The following ASAP3 variants were observed in gnomAD, a reference collection of about 807,000 sequenced individuals.
The protein encoded by ASAP3 is ArfGAP with SH3 domain, ankyrin repeat and PH domain 3, also known as arf-GAP with SH3 domain, ANK repeat and PH domain-containing protein 3.
Under a neutral mutation model 118.2 loss-of-function variants are expected in ASAP3, and 85 were observed. That is an observed-to-expected ratio of 0.72 (90% confidence interval 0.60 to 0.86). The LOEUF (loss-of-function observed/expected upper bound fraction) is 0.86. Among genes scored for constraint, ASAP3 ranks in the 40% least tolerant of loss-of-function variants. The probability of loss-of-function intolerance (pLI) is 0.00; values close to 1 mark genes in which losing one functional copy is unlikely to be tolerated. For missense variants in ASAP3, 1,026 were observed against 1,175.0 expected (o/e 0.87, Z 1.85); for synonymous variants, 432 against 477.4 (o/e 0.90, Z 1.24).
Position 23,442,474 on chromosome 1 carries a change from C to T in ASAP3, c.585+27G>A, listed in dbSNP as rs766593455. Reference sequence around the variant, plus strand: ...GACAGGAAGACACATCCCACGCCCCCCCTCCCTCATCCAGAGCACCCCTTA... The same window carrying T: ...GACAGGAAGACACATCCCACGCCCCTCCTCCCTCATCCAGAGCACCCCTTA... On this transcript the variant is annotated intron_variant, in intron 6 of 24. Coordinates refer to ENST00000336689, the MANE Select transcript of ASAP3 (RefSeq NM_017707.4). The T allele has an allele frequency of 2.5e-6, 4 of 1,608,034 alleles. No individual in the cohort carries two copies. The East Asian group carries it at 6.7e-5, about 27-fold the overall frequency.
rs58753866 is a variant in ASAP3, at chr1:23,436,804, A to C, written c.1476+107T>G. 4,386 of 1,454,664 alleles carry C rather than the reference A, an allele frequency of 3.0e-3. 102 individuals are homozygous for C. The African/African-American group carries it at 0.063, about 21-fold the overall frequency. 90.1% of individuals were successfully genotyped at this position (1,454,664 alleles called of 1,614,324 possible). On this transcript the variant is annotated intron_variant, in intron 15 of 24. Transcript: ENST00000336689. The surrounding 1 kb of genome is among the most constrained non-coding windows in gnomAD (Gnocchi z 4.2). ...GACCACCCGCTACCTGGCTTGTCCC[A>C]GCCCACCTCGGCCAGGTCCCACCCA...
intron 1 of ASAP3, among the ~76,000 whole-genome samples, chr1:23,482,279 T>C (rs1288710031): frequency 1.3e-5 from 2 of 152,208 alleles, no homozygotes; most frequent in African/African-American, 4.8e-5. Flanking sequence ...CCTAGTACTT[T>C]GAGAGGCCAA....
chr1:23,444,520 G>C (rs1398520122), intron 5 of ASAP3, among the ~76,000 whole-genome samples: 1 of 152,204 alleles, frequency 6.6e-6, no homozygotes, highest in African/African-American at 2.4e-5. Context: ...CCCTCTCTGA[G>C]CCTTGGTCTC....
chr1:23,434,362 G>A lies in ASAP3; in HGVS notation c.1843C>T (p.Leu615=), dbSNP rs1640556744. ...VDFIIQNGGH[L]DAKAADGNTA... is the part of the protein sequence containing the mutation. Reference sequence around the variant, plus strand: ...TTCCCGTCAGCAGCCTTGGCATCCAGGTGACCACTGGGGAGAGGAGGGTTC... The same window carrying A: ...TTCCCGTCAGCAGCCTTGGCATCCAAGTGACCACTGGGGAGAGGAGGGTTC... Residue 615 remains leucine (L), a synonymous_variant, in exon 19 of 25, where the codon CTG becomes TTG. Coordinates refer to ENST00000336689, the MANE Select transcript of ASAP3 (RefSeq NM_017707.4). 2 of 1,614,168 alleles carry A rather than the reference G, an allele frequency of 1.2e-6. No individual in the cohort carries two copies. The highest frequency in any genetic ancestry group is 1.7e-6 in the Non-Finnish European group (2 of 1,180,030).
rs1184599442 is a variant in ASAP3, at chr1:23,436,496, C to T, written c.1571+64G>A. The T allele has an allele frequency of 5.1e-6, 8 of 1,565,068 alleles. No individual in the cohort carries two copies. Among genetic ancestry groups the T allele is most frequent in the Non-Finnish European group, 7.0e-6 (8 of 1,136,090 alleles). On this transcript the variant is annotated intron_variant, in intron 16 of 24. Coordinates refer to ENST00000336689, the MANE Select transcript of ASAP3 (RefSeq NM_017707.4). This position sits in a 1 kb window ranked among gnomAD's most constrained non-coding sequence, Gnocchi z 4.2. ...CTTCTGATCCAAGACTTTTCTACGA[C>T]CCTGGACACTGCGGAGGCAGAATCC... is the stretch of plus-strand genomic sequence containing the variant.
intron 5 of ASAP3, among the ~76,000 whole-genome samples, chr1:23,446,266 A>T (rs1312629724): frequency 2.0e-5 from 3 of 152,174 alleles, no homozygotes; most frequent in Admixed American, 2.0e-4. Flanking sequence ...TCACTTACTT[A>T]ACCTTTATAA....
Position 23,433,131 on chromosome 1 carries a change from C to G in ASAP3, c.2269G>C (p.Val757Leu). Reference protein sequence around the residue: ...ESEDCPPPLPVKNSSRTLVQG... With the variant: ...ESEDCPPPLPLKNSSRTLVQG... ...ACCAAAGTCCGAGAAGAGTTTTTGA[C>G]TGGCAAGGGCGGGGGACAGTCCTCA... The change falls in exon 22 of 25, where the codon GTC becomes CTC. Residue 757 changes from valine to leucine, a missense_variant. By Grantham distance (32) the Val-to-Leu change is conservative (BLOSUM62 1). Coordinates refer to ENST00000336689, the MANE Select transcript of ASAP3 (RefSeq NM_017707.4). 6.2e-7 allele frequency: 1 copy of G among 1,614,116 alleles called. No homozygotes were observed. The highest frequency in any genetic ancestry group is 8.5e-7 in the Non-Finnish European group (1 of 1,180,014).
At chr1:23,456,484 G>A (rs1027213601) in intron 1 of ASAP3, among the ~76,000 whole-genome samples, 2 of 152,168 alleles carry the variant, frequency 1.3e-5, no homozygotes, top group Admixed American at 6.5e-5. Flanking sequence ...ATGACAGGGT[G>A]TGCCAGGCCT....
At position 23,429,186 on chromosome 1, in the gene ASAP3, A is replaced by T. The variant is rs1235039253; in HGVS notation, c.*670T>A. ...TTATTTAACAGCCAGTACAGCATGC[A>T]TGTTGACCAGCCAGAATGGATGTGA... On this transcript the variant is annotated 3_prime_UTR_variant, in exon 25 of 25. Coordinates refer to ENST00000336689, the MANE Select transcript of ASAP3 (RefSeq NM_017707.4). The T allele has an allele frequency of 2.6e-5, 4 of 152,412 alleles. No individual in the cohort carries two copies. Among genetic ancestry groups the T allele is most frequent in the Non-Finnish European group, 5.9e-5 (4 of 68,204 alleles). 9.4% of individuals were successfully genotyped at this position (152,412 alleles called of 1,614,324 possible). A position where few individuals can be genotyped will look rare whatever the true frequency, so the allele number is the denominator to read the frequency against.
At chr1:23,453,359 G>T (rs1641285445) in intron 3 of ASAP3, among the ~76,000 whole-genome samples, 1 of 152,120 alleles carries the variant, frequency 6.6e-6, no homozygotes, top group Non-Finnish European at 1.5e-5. Flanking sequence ...AGGATAGAGG[G>T]ACTGGATAGG....
chr1:23,484,204 T>TCACCGCCGGCCGGGGGCGCCGTCCC (rs1642434485), upstream of ASAP3: 1 of 1,207,118 alleles, frequency 8.3e-7, no homozygotes, highest in Non-Finnish European at 1.0e-6. Context: ...TGAGCCGGCC[T>TCACCGCCGGCCGGGGGCGCCGTCCC]CACCGCCGGC....
chr1:23,434,696 T>C (rs1640572914), intron 17 of ASAP3, 78 bp from the exon 18 acceptor site: 1 of 1,380,126 alleles, frequency 7.2e-7, no homozygotes. Flanking sequence ...CTTGAACTCT[T>C]GCTAACCCCT....
chr1:23,483,015 T>G (rs1246757341), intron 1 of ASAP3, among the ~76,000 whole-genome samples: 2 of 151,708 alleles, frequency 1.3e-5, no homozygotes, highest in Non-Finnish European at 2.9e-5. Context: ...TCCACAATCC[T>G]CTATCACCCT....
intron 1 of ASAP3, 76 bp downstream of exon 1, chr1:23,483,929 C>A: frequency 8.2e-7 from 1 of 1,220,032 alleles, no homozygotes; most frequent in Non-Finnish European, 1.0e-6. Flanking sequence ...CATCGCAGCT[C>A]GGGTGCGACA....
rs192378660 is a variant in ASAP3, at chr1:23,472,386, G to A, written c.129+11619C>T. ...GTCTTGCTTTGTTGTTTGAGACCAG[G>A]GTGGTCTCAAACTCCTGGCTTCAAG... On this transcript the variant is annotated intron_variant, in intron 1 of 24. Coordinates refer to ENST00000336689, the MANE Select transcript of ASAP3 (RefSeq NM_017707.4). Among the ~76,000 whole-genome samples, 602 of 152,136 alleles carry A rather than the reference G, an allele frequency of 4.0e-3. 4 individuals are homozygous for A. The highest frequency in any genetic ancestry group is 6.4e-3 in the Admixed American group (97 of 15,266).
Position 23,433,494 on chromosome 1 carries a change from T to G in ASAP3, c.2058A>C (p.Leu686=). The G allele has an allele frequency of 6.2e-7, 1 of 1,614,144 alleles. No individual in the cohort carries two copies. The highest frequency in any genetic ancestry group is 8.5e-7 in the Non-Finnish European group (1 of 1,180,008). The change falls in exon 21 of 25, where the codon CTA becomes CTC. Residue 686 remains leucine (L), a synonymous_variant. Transcript: ENST00000336689. ...AAATTACCCAGGAGTAGTCCACATG[T>G]AGAGGGAAGGCAAAGGTCCCCGCCT... ...QAQAGTFAFP[L]HVDYSWVIST... is the part of the protein sequence containing the mutation.
In ASAP3 at chr1:23,433,076, C is replaced by T; in HGVS notation, c.2323+1G>A. On this transcript the variant is annotated splice_donor_variant, in intron 22 of 24. Transcript: ENST00000336689. LOFTEE classifies it high-confidence loss of function. ...GCATTTATCTGGGCATCCAACTGTA[C>T]CTCCACTGGCATGTCTTGCACACCC... The T allele has an allele frequency of 6.2e-7, 1 of 1,613,526 alleles. No homozygotes were observed. Among genetic ancestry groups the T allele is most frequent in the South Asian group, 1.1e-5 (1 of 90,972 alleles).
chr1:23,429,757 T>A lies in ASAP3; in HGVS notation c.*99A>T. 8.2e-7 allele frequency: 1 copy of A among 1,222,556 alleles called. No homozygotes were observed. Among genetic ancestry groups the A allele is most frequent in the Non-Finnish European group, 1.2e-6 (1 of 867,290 alleles). The allele number at this position is 1,222,556 out of a possible 1,614,324, so 75.7% of individuals were successfully genotyped here. A position where few individuals can be genotyped will look rare whatever the true frequency, so the allele number is the denominator to read the frequency against. On this transcript the variant is annotated 3_prime_UTR_variant, in exon 25 of 25. Coordinates refer to ENST00000336689, the MANE Select transcript of ASAP3 (RefSeq NM_017707.4). Reference sequence around the variant, plus strand: ...GGCACAAGGGACAGAGAGAGTGAGATCCAAGAGAACAAATGTCTCAGCTCC... The same window carrying A: ...GGCACAAGGGACAGAGAGAGTGAGAACCAAGAGAACAAATGTCTCAGCTCC...
At chr1:23,479,959 G>C (rs1376359419) in intron 1 of ASAP3, 2 of 152,182 alleles carry the variant, frequency 1.3e-5, no homozygotes, top group African/African-American at 4.8e-5. Flanking sequence ...CAGATCACTT[G>C]AGCCCAGGAG....
Sources: allele counts gnomAD v4.1 joint callset (sites outside exome capture counted in the v4.1 genomes callset), GRCh38; gene constraint gnomAD v4.1.1; non-coding constraint Gnocchi (gnomAD v3.1); transcripts MANE v1.5; gene names NCBI Gene and HGNC (gene_info 2026-07-23, HGNC 2026-07-21).